PYROXD2: variants seen among roughly 807,000 people sequenced by gnomAD.
PYROXD2 encodes the protein pyridine nucleotide-disulfide oxidoreductase domain-containing protein 2.
Under a neutral mutation model 71.1 loss-of-function variants are expected in PYROXD2, and 69 were observed. That is an observed-to-expected ratio of 0.97 (90% CI 0.80 to 1.19). PYROXD2 has a LOEUF of 1.19. Ranked by LOEUF, PYROXD2 falls within the 50% of genes most tolerant of loss-of-function variation. The probability of loss-of-function intolerance (pLI) is 0.00; values close to 1 mark genes in which losing one functional copy is unlikely to be tolerated. For synonymous variants in PYROXD2, 287 were observed against 302.7 expected (o/e 0.95, Z 0.54); for missense variants, 745 against 748.9 (o/e 0.99, Z 0.06).
At chr10:98,402,548 A>G (rs1394952075) in intron 4 of PYROXD2, among the ~76,000 whole-genome samples, 1 of 152,232 alleles carries the variant, frequency 6.6e-6, no homozygotes, top group African/African-American at 2.4e-5. Context: ...TTTGATTAGC[A>G]CACAGAATTT....
chr10:98,390,821 G>C, intron 11 of PYROXD2, 67 bp from the exon 12 acceptor site: 1 of 1,527,020 alleles, frequency 6.5e-7, no homozygotes, highest in Non-Finnish European at 8.9e-7. Flanking sequence ...CCAGCACCCT[G>C]CTACCCTCAG....
intron 2 of PYROXD2, 163 bp downstream of exon 2, chr10:98,410,776 C>T: frequency 9.5e-7 from 1 of 1,049,246 alleles, no homozygotes; most frequent in Non-Finnish European, 1.4e-6. Context: ...GAGCATTCGA[C>T]CCAGCCCCCA....
chr10:98,397,334 C>T lies in PYROXD2; in HGVS notation c.625+11G>A, dbSNP rs1355037431. 6.3e-7 allele frequency: 1 copy of T among 1,583,468 alleles called. No homozygotes were observed. Among genetic ancestry groups the T allele is most frequent in the South Asian group, 1.1e-5 (1 of 87,256 alleles). On this transcript the variant is annotated intron_variant, in intron 6 of 15. Coordinates refer to ENST00000370575, the MANE Select transcript of PYROXD2 (RefSeq NM_032709.3). Reference sequence around the variant, plus strand: ...CACTCATCATGCCCTGGTGCCTGCACTTGGACTTACCTGCCTTCAGCAGGG... The same window carrying T: ...CACTCATCATGCCCTGGTGCCTGCATTTGGACTTACCTGCCTTCAGCAGGG...
chr10:98,414,481 G>A (rs1250997298), intron 1 of PYROXD2, among the ~76,000 whole-genome samples: 1 of 152,194 alleles, frequency 6.6e-6, no homozygotes, highest in African/African-American at 2.4e-5. Flanking sequence ...CAGACACGCA[G>A]TAGGAACTCT....
At position 98,393,053 on chromosome 10, in the gene PYROXD2, GC is replaced by G; in HGVS notation, c.815del (p.Gly272AlafsTer45). 1.9e-6 allele frequency: 3 copies of G among 1,591,478 alleles called. No individual in the cohort carries two copies. Among genetic ancestry groups the G allele is most frequent in the South Asian group, 1.1e-5 (1 of 87,872 alleles). ...GYVLLHHVMG[G>X]LEGMQGAWGY... Reference sequence around the variant, plus strand: ...CCCAGGCCCCCTGCATTCCCTCCAGGCCCCCCATCACATGGTGCAGCAGCAC... The same window carrying G: ...CCCAGGCCCCCTGCATTCCCTCCAGGCCCCCATCACATGGTGCAGCAGCAC... On this transcript the variant is annotated frameshift_variant, in exon 9 of 16. Transcript: ENST00000370575. LOFTEE classifies it high-confidence loss of function.
intron 1 of PYROXD2, chr10:98,411,595 C>CTG (rs1287459125): frequency 1.3e-5 from 2 of 152,082 alleles, no homozygotes; most frequent in African/African-American, 4.8e-5. Flanking sequence ...GAGTGACTAG[C>CTG]TGTGCTTCAG....
chr10:98,408,764 AC>A (rs1179632982), intron 2 of PYROXD2, among the ~76,000 whole-genome samples: 3 of 152,266 alleles, frequency 2.0e-5, no homozygotes, highest in African/African-American at 7.2e-5. Context: ...CCCTGTGACC[AC>A]AGGAATGGTG....
At chr10:98,403,908 G>A (rs988305990) in intron 4 of PYROXD2, among the ~76,000 whole-genome samples, 1 of 152,160 alleles carries the variant, frequency 6.6e-6, no homozygotes, top group Non-Finnish European at 1.5e-5. Flanking sequence ...CTGAATGAAC[G>A]AATAAACCCT....
rs767073777 is a variant in PYROXD2, at chr10:98,390,698, G to C, written c.1192C>G (p.Pro398Ala). 6.2e-7 allele frequency: 1 copy of C among 1,612,240 alleles called. No homozygotes were observed. Among genetic ancestry groups the C allele is most frequent in the Admixed American group, 1.7e-5 (1 of 59,774 alleles). ...ATGGAGCATTGGTGATGGGGCAGCG[G>C]CTGGCCCCTGGGAGCATTGGGGGCC... is the stretch of plus-strand genomic sequence containing the variant. ...LAAPNAPRGQ[P>A]LPHHQCSIHL... is the part of the protein sequence containing the mutation. Residue 398 changes from proline (P) to alanine (A), a missense_variant, in exon 12 of 16, where the codon CCG becomes GCG. Transcript: ENST00000370575.
Position 98,392,568 on chromosome 10 carries a change from T to G in PYROXD2, c.928-2A>C. ...GTTCACCTGCACCTTCGCCACTGTC[T>G]AGAGCCCACCAGAACAAGGCCCCAG... On this transcript the variant is annotated splice_acceptor_variant, in intron 9 of 15. Coordinates refer to ENST00000370575, the MANE Select transcript of PYROXD2 (RefSeq NM_032709.3). LOFTEE classifies it high-confidence loss of function. 1 of 1,610,352 alleles carries G rather than the reference T, an allele frequency of 6.2e-7. No homozygotes were observed. The highest frequency in any genetic ancestry group is 8.5e-7 in the Non-Finnish European group (1 of 1,179,946).
At chr10:98,388,644 G>T in intron 12 of PYROXD2, 136 bp from the exon 13 acceptor site, 4 of 1,025,236 alleles carry the variant, frequency 3.9e-6, no homozygotes, top group South Asian at 1.8e-5. Context: ...AGCCACAGTG[G>T]TTGTCCACCT....
rs77151747 is a variant in PYROXD2, at chr10:98,399,516, G to A, written c.471+586C>T. 4.6e-3 allele frequency among the ~76,000 whole-genome samples: 699 copies of A among 152,226 alleles called. 8 individuals are homozygous for A. Among genetic ancestry groups the A allele is most frequent in the African/African-American group, 0.015 (640 of 41,518 alleles). On this transcript the variant is annotated intron_variant, in intron 5 of 15. Coordinates refer to ENST00000370575, the MANE Select transcript of PYROXD2 (RefSeq NM_032709.3). ...GCAGGTTCCTAGAATGCAGTTCCAA[G>A]GGAAAAAAGTGCATTCTCCATCCGA... is the stretch of plus-strand genomic sequence containing the variant.
At chr10:98,394,163 C>T (rs1298741987) in intron 8 of PYROXD2, among the ~76,000 whole-genome samples, 1 of 152,154 alleles carries the variant, frequency 6.6e-6, no homozygotes, top group Admixed American at 6.5e-5. Flanking sequence ...CTACCGTATC[C>T]CCAGCACCTA....
At chr10:98,393,867 CCTAA>C (rs1238290987) in intron 8 of PYROXD2, among the ~76,000 whole-genome samples, 7 of 152,168 alleles carry the variant, frequency 4.6e-5, no homozygotes, top group African/African-American at 1.7e-4. Context: ...ATCCCATCCT[CCTAA>C]CTAACAGAAC....
At chr10:98,399,618 G>A (rs1359463121) in intron 5 of PYROXD2, among the ~76,000 whole-genome samples, 1 of 152,180 alleles carries the variant, frequency 6.6e-6, no homozygotes, top group Non-Finnish European at 1.5e-5. Flanking sequence ...AGGGAGCCTT[G>A]GGATGCCACA....
intron 14 of PYROXD2, 56 bp downstream of exon 14, chr10:98,387,145 G>T: frequency 1.5e-6 from 2 of 1,317,646 alleles, no homozygotes; most frequent in Non-Finnish European, 1.1e-6. Flanking sequence ...TCATAGCCAG[G>T]AAGTGAGGGT....
rs1489474860 is a variant in PYROXD2, at chr10:98,415,156, T to C, written c.-21A>G. 6.2e-7 allele frequency: 1 copy of C among 1,609,530 alleles called. No individual in the cohort carries two copies. Among genetic ancestry groups the C allele is most frequent in the African/African-American group, 1.3e-5 (1 of 75,036 alleles). On this transcript the variant is annotated 5_prime_UTR_variant, in exon 1 of 16. Transcript: ENST00000370575. ...GCCATTTCTGCCCCAGGCTGGGCCT[T>C]GCTAGGCAGGGAGTTTGCTAGCGAT...
intron 14 of PYROXD2, among the ~76,000 whole-genome samples, chr10:98,385,447 C>A (rs897085265): frequency 6.6e-6 from 1 of 152,232 alleles, no homozygotes. Flanking sequence ...CCACCTGAGC[C>A]CGGACCCCGG....
chr10:98,384,922 G>A, intron 15 of PYROXD2, 25 bp downstream of exon 15: 1 of 1,601,920 alleles, frequency 6.2e-7, no homozygotes, highest in Non-Finnish European at 8.5e-7. Context: ...GTCCCCACAG[G>A]GTAGTGGGAC....
Sources: gnomAD v4.1 joint callset for allele counts (sites outside exome capture counted in the v4.1 genomes callset) on GRCh38, gnomAD v4.1.1 for gene constraint, MANE v1.5 for transcripts, NCBI Gene and HGNC (gene_info 2026-07-23, HGNC 2026-07-21) for gene names.